CDH6: variants seen among roughly 807,000 people sequenced by gnomAD.
CDH6 encodes the protein cadherin 6, also known as cadherin-6.
In CDH6, 31 loss-of-function variants were observed where a neutral mutation model predicts 78.0. The observed-to-expected ratio is 0.40, with a 90% CI of 0.30 to 0.54. CDH6 has a LOEUF of 0.54. CDH6 is among the 20% of genes least tolerant of loss of function. The probability of loss-of-function intolerance (pLI) is 0.56; values close to 1 mark genes in which losing one functional copy is unlikely to be tolerated. For synonymous variants in CDH6, 376 were observed against 368.8 expected, an observed-to-expected ratio of 1.02 and a Z score of -0.23; for missense variants, 724 against 975.9, an observed-to-expected ratio of 0.74 and a Z score of 3.44.
chr5:31,259,662 T>C (rs979114790), intron 1 of CDH6, among the ~76,000 whole-genome samples: 1 of 152,212 alleles, frequency 6.6e-6, no homozygotes, highest in African/African-American at 2.4e-5. Context: ...ATGTTTAAAT[T>C]CATACCATGA....
chr5:31,284,864 A>T (rs748360675), intron 2 of CDH6, among the ~76,000 whole-genome samples: 6 of 151,650 alleles, frequency 4.0e-5, no homozygotes, highest in Non-Finnish European at 7.4e-5. Flanking sequence ...TCACTGGCAA[A>T]GGCCATGTGG....
chr5:31,211,382 G>C (rs1379719899), intron 1 of CDH6, among the ~76,000 whole-genome samples: 2 of 120,158 alleles, frequency 1.7e-5, no homozygotes, highest in African/African-American at 6.3e-5. Context: ...CTAACCACTA[G>C]AGCTTTAAGA....
rs142620494 is a variant in CDH6 at position 31,312,205 on chromosome 5, G to A, written c.1254-1113G>A. Among the ~76,000 whole-genome samples the A allele has an allele frequency of 5.7e-3, 863 of 152,272 alleles. 6 individuals are homozygous for A. The highest frequency in any genetic ancestry group is 0.02 in the African/African-American group (837 of 41,556). ...GGATCAGTCCAGATCTTAATCTAGA[G>A]CTTCAGACTAGATATCTCTTCCTGA... is the stretch of plus-strand genomic sequence containing the variant. On this transcript the variant is annotated intron_variant, in intron 7 of 11. Transcript: ENST00000265071.
chr5:31,320,969 A>G (rs943599405), intron 11 of CDH6, among the ~76,000 whole-genome samples: 66 of 128,044 alleles, frequency 5.2e-4, no homozygotes, highest in African/African-American at 1.8e-3. Flanking sequence ...ACAGAGTGAG[A>G]TTCTGTCTTA....
chr5:31,306,243 T>C, intron 7 of CDH6, among the ~76,000 whole-genome samples: 1 of 152,236 alleles, frequency 6.6e-6, no homozygotes, highest in Non-Finnish European at 1.5e-5. Flanking sequence ...AATCATTTCA[T>C]GATATACGTC....
In CDH6 at chr5:31,327,464, A is replaced by T. The variant is rs1296425254; in HGVS notation, c.*4156A>T. The T allele has an allele frequency of 5.2e-6, 1 of 191,638 alleles. No individual in the cohort carries two copies. The highest frequency in any genetic ancestry group is 1.1e-5 in the Non-Finnish European group (1 of 91,602). The allele number at this position is 191,638 out of a possible 1,614,324, so 11.9% of individuals were successfully genotyped here. On this transcript the variant is annotated 3_prime_UTR_variant, in exon 12 of 12. Transcript: ENST00000265071. The stretch of plus-strand genomic sequence containing the variant: ...TCATTATAGTGTAATCTTAATTTTT[A>T]TGTTTTATCAAGATGAAATCTTGTT...
intron 1 of CDH6, among the ~76,000 whole-genome samples, chr5:31,202,773 G>GTA (rs1476151216): frequency 1.3e-5 from 2 of 149,688 alleles, no homozygotes; most frequent in African/African-American, 4.9e-5. Context: ...ACGCATATAT[G>GTA]TATATGTCAC....
At chr5:31,270,637 G>A (rs1742503449) in intron 2 of CDH6, among the ~76,000 whole-genome samples, 1 of 152,128 alleles carries the variant, frequency 6.6e-6, no homozygotes, top group Non-Finnish European at 1.5e-5. Context: ...TTCGCAAGGG[G>A]TCTGCAGAGG....
intron 1 of CDH6, among the ~76,000 whole-genome samples, chr5:31,254,065 T>C (rs1479164181): frequency 6.6e-6 from 1 of 152,170 alleles, no homozygotes; most frequent in Non-Finnish European, 1.5e-5. Flanking sequence ...CGTGGTGAAA[T>C]CTTGCCCCCT....
At chr5:31,322,666 G>A (rs995057392) in intron 11 of CDH6, 152 bp from the exon 12 acceptor site, 10 of 784,932 alleles carry the variant, frequency 1.3e-5, no homozygotes, top group African/African-American at 1.0e-4. Context: ...ATCATGGATG[G>A]AGGCAAGTGC....
At chr5:31,220,197 G>T (rs971146269) in intron 1 of CDH6, among the ~76,000 whole-genome samples, 1 of 152,124 alleles carries the variant, frequency 6.6e-6, no homozygotes, top group Non-Finnish European at 1.5e-5. Flanking sequence ...TAGTTTCAAA[G>T]GTTCTACCTG....
intron 1 of CDH6, among the ~76,000 whole-genome samples, chr5:31,248,848 A>C (rs1285465211): frequency 6.6e-6 from 1 of 152,208 alleles, no homozygotes; most frequent in African/African-American, 2.4e-5. Flanking sequence ...TTGAGGAAAA[A>C]TTCTAAATAA....
rs911953972 is a variant in CDH6, at chr5:31,324,501, G to T, written c.*1193G>T. 4.7e-6 allele frequency: 1 copy of T among 210,716 alleles called. No homozygotes were observed. The highest frequency in any genetic ancestry group is 1.9e-4 in the South Asian group (1 of 5,306). The allele number at this position is 210,716 out of a possible 1,614,324, so 13.1% of individuals were successfully genotyped here. ...ATGAAAACCTACATATTCCATGTTT[G>T]GAAGACCCTTGGAAGAGGAAAATTG... On this transcript the variant is annotated 3_prime_UTR_variant, in exon 12 of 12. Transcript: ENST00000265071.
intron 2 of CDH6, among the ~76,000 whole-genome samples, chr5:31,286,208 C>T (rs1368955732): frequency 6.6e-6 from 1 of 152,152 alleles, no homozygotes; most frequent in Non-Finnish European, 1.5e-5. Context: ...ACAGAAGTGA[C>T]CTAGACAGGT....
intron 1 of CDH6, among the ~76,000 whole-genome samples, chr5:31,263,073 T>A (rs1742251164): frequency 6.6e-6 from 1 of 152,170 alleles, no homozygotes; most frequent in Non-Finnish European, 1.5e-5. Context: ...TTTCTATTGC[T>A]TATAACAGAA....
rs1742397639 is a variant in CDH6 at position 31,267,579 on chromosome 5, A to G, written c.106A>G (p.Arg36Gly). Residue 36 changes from arginine to glycine, a missense_variant, in exon 2 of 12, where the codon AGG becomes GGG. Arg to Gly is a moderately radical substitution (Grantham distance 125). Around this residue, in one of 3 missense-constraint regions of CDH6, gnomAD observed 58 missense variants for 50.8 expected, o/e 1.14. Coordinates refer to ENST00000265071, the MANE Select transcript of CDH6 (RefSeq NM_004932.4). ...KRTSGFPAKK[R>G]ALELSGNSKN... is the part of the protein sequence containing the mutation. Reference sequence around the variant, plus strand: ...GACTAGTGGTTTCCCAGCAAAGAAAAGGGCCCTGGAGCTCTCTGGAAACAG... The same window carrying G: ...GACTAGTGGTTTCCCAGCAAAGAAAGGGGCCCTGGAGCTCTCTGGAAACAG... 5.6e-6 allele frequency: 9 copies of G among 1,614,096 alleles called. No homozygotes were observed. The highest frequency in any genetic ancestry group is 7.6e-6 in the Non-Finnish European group (9 of 1,180,004).
chr5:31,216,047 T>C (rs1740853535), intron 1 of CDH6, among the ~76,000 whole-genome samples: 1 of 152,182 alleles, frequency 6.6e-6, no homozygotes, highest in African/African-American at 2.4e-5. Flanking sequence ...TTAAGGTGTT[T>C]TAAAGTTCTA....
intron 2 of CDH6, among the ~76,000 whole-genome samples, chr5:31,273,485 G>T (rs1742590197): frequency 1.3e-5 from 2 of 152,114 alleles, no homozygotes; most frequent in Admixed American, 1.3e-4. Flanking sequence ...CCATACAGAT[G>T]AGTAAACTAA....
At chr5:31,320,061 C>T (rs963710057) in intron 11 of CDH6, among the ~76,000 whole-genome samples, 7 of 152,206 alleles carry the variant, frequency 4.6e-5, no homozygotes, top group African/African-American at 1.4e-4. Flanking sequence ...CTGCTGTCCT[C>T]TGGCTTCAAA....
Sources: allele counts gnomAD v4.1 joint callset (sites outside exome capture counted in the v4.1 genomes callset), GRCh38; gene constraint gnomAD v4.1.1; regional missense constraint gnomAD v4.1.1; transcripts MANE v1.5; gene names NCBI Gene and HGNC (gene_info 2026-07-23, HGNC 2026-07-21).